Variants in CMTM8 observed in about 807,000 individuals in gnomAD.
The protein encoded by CMTM8 is CKLF-like MARVEL transmembrane domain-containing protein 8.
A neutral mutation model predicts 18.6 loss-of-function variants in CMTM8; 12 were observed. The ratio of observed to expected loss-of-function variants is 0.65; its 90% CI spans 0.41 to 1.05. CMTM8 has a LOEUF of 1.05. Ranked by LOEUF, CMTM8 falls within the 50% of genes least tolerant of loss-of-function variation. CMTM8 has a pLI of 0.00. For synonymous variants in CMTM8, 87 were observed against 90.6 expected, an observed-to-expected ratio of 0.96 and a Z score of 0.23; for missense variants, 217 against 227.2, an observed-to-expected ratio of 0.95 and a Z score of 0.29.
intron 1 of CMTM8, among the ~76,000 whole-genome samples, chr3:32,293,958 A>C (rs1177556138): frequency 6.6e-6 from 1 of 152,104 alleles, no homozygotes; most frequent in East Asian, 1.9e-4. Flanking sequence ...TGTAGGTTAG[A>C]TCCCAGAACT....
chr3:32,276,061 TC>T (rs1313864031), intron 1 of CMTM8, among the ~76,000 whole-genome samples: 5 of 152,312 alleles, frequency 3.3e-5, no homozygotes, highest in South Asian at 2.1e-4. Flanking sequence ...AGCTCACTGG[TC>T]CCAGTGGTGG....
intron 1 of CMTM8, among the ~76,000 whole-genome samples, chr3:32,313,152 G>A (rs957257865): frequency 6.6e-6 from 1 of 152,078 alleles, no homozygotes; most frequent in African/African-American, 2.4e-5. Context: ...GAGACAGGAG[G>A]CAGCCAACTC....
At chr3:32,366,795 C>A (rs955272755) in intron 2 of CMTM8, among the ~76,000 whole-genome samples, 1 of 152,304 alleles carries the variant, frequency 6.6e-6, no homozygotes, top group Non-Finnish European at 1.5e-5. Context: ...AACCGACATT[C>A]CTAATGAGTC....
At chr3:32,361,286 G>GTTTGTTTTTTTTTTTTTGT (rs140270969) in intron 2 of CMTM8, among the ~76,000 whole-genome samples, 33 of 87,266 alleles carry the variant, frequency 3.8e-4, no homozygotes, top group African/African-American at 1.2e-3. Flanking sequence ...CAGCCTAAGA[G>GTTTGTTTTTTTTTTTTTGT]TTTTTTTTTC....
intron 1 of CMTM8, among the ~76,000 whole-genome samples, chr3:32,244,487 AT>A (rs1701985399): frequency 1.3e-5 from 2 of 152,146 alleles, no homozygotes; most frequent in Non-Finnish European, 2.9e-5. Flanking sequence ...CGGCCAGAAG[AT>A]TTTTTGTTTA....
At chr3:32,264,749 G>A (rs1172837854) in intron 1 of CMTM8, among the ~76,000 whole-genome samples, 1 of 152,098 alleles carries the variant, frequency 6.6e-6, no homozygotes, top group Non-Finnish European at 1.5e-5. Context: ...ATAAAGGGGT[G>A]GAGGAAGATC....
intron 1 of CMTM8, among the ~76,000 whole-genome samples, chr3:32,313,978 A>G (rs11706660): frequency 0.066 from 10,008 of 152,134 alleles, 387 homozygotes; most frequent in African/African-American, 0.1. Flanking sequence ...TGGGTGACAG[A>G]GCGAGACCCT....
chr3:32,239,682 T>C (rs558221194), intron 1 of CMTM8, among the ~76,000 whole-genome samples: 9 of 152,276 alleles, frequency 5.9e-5, no homozygotes, highest in African/African-American at 2.2e-4. Flanking sequence ...GCTCAGAACA[T>C]TCCTGGGAAG....
intron 1 of CMTM8, among the ~76,000 whole-genome samples, chr3:32,313,563 C>T (rs1277210330): frequency 2.0e-5 from 3 of 152,130 alleles, no homozygotes; most frequent in Non-Finnish European, 4.4e-5. Context: ...CCTTGGCCTC[C>T]CAAAGTGCTG....
At chr3:32,351,572 A>G (rs1217082115) in intron 1 of CMTM8, among the ~76,000 whole-genome samples, 3 of 151,836 alleles carry the variant, frequency 2.0e-5, no homozygotes, top group Non-Finnish European at 1.5e-5. Flanking sequence ...AAAGTTAGCC[A>G]GATGTGGTGT....
At chr3:32,336,308 A>G (rs1183980069) in intron 1 of CMTM8, among the ~76,000 whole-genome samples, 2 of 152,204 alleles carry the variant, frequency 1.3e-5, no homozygotes, top group Non-Finnish European at 2.9e-5. Flanking sequence ...CAGTCCCTTC[A>G]GGGGACCTGT....
chr3:32,303,144 A>G (rs1158213926), intron 1 of CMTM8, among the ~76,000 whole-genome samples: 1 of 152,222 alleles, frequency 6.6e-6, no homozygotes, highest in African/African-American at 2.4e-5. Context: ...TAGGTTGCAA[A>G]TAAGTAAGGT....
At chr3:32,355,040 C>A (rs1483981207) in intron 1 of CMTM8, among the ~76,000 whole-genome samples, 1 of 152,186 alleles carries the variant, frequency 6.6e-6, no homozygotes, top group African/African-American at 2.4e-5. Context: ...TGATGCTCAA[C>A]TCTAAAGAGC....
intron 1 of CMTM8, among the ~76,000 whole-genome samples, chr3:32,306,961 C>CA (rs1695726938): frequency 6.6e-6 from 1 of 152,214 alleles, no homozygotes; most frequent in African/African-American, 2.4e-5. Flanking sequence ...GTAATCCCAA[C>CA]ACTTTGGGAG....
chr3:32,318,474 G>A lies in CMTM8; in HGVS notation c.148-38899G>A, dbSNP rs201265308. On this transcript the variant is annotated intron_variant, in intron 1 of 3. Transcript: ENST00000307526. ...CTTTCTGTGTTTAGGTCTCAGGAATGGCTGGTTTTATTTTTATCTTATTGT... is the reference window on the plus strand; with the variant it reads ...CTTTCTGTGTTTAGGTCTCAGGAATAGCTGGTTTTATTTTTATCTTATTGT... 3.2e-4 allele frequency among the ~76,000 whole-genome samples: 49 copies of A among 152,108 alleles called. 1 individual carries two copies. The East Asian group carries it at 8.3e-3, about 26-fold the overall frequency.
intron 1 of CMTM8, among the ~76,000 whole-genome samples, chr3:32,309,870 C>T (rs1295274743): frequency 6.6e-6 from 1 of 152,168 alleles, no homozygotes; most frequent in Non-Finnish European, 1.5e-5. Context: ...TCTCGTACTG[C>T]GGGCATCCTG....
At chr3:32,239,444 A>C (rs1033946532) in intron 1 of CMTM8, among the ~76,000 whole-genome samples, 1 of 151,750 alleles carries the variant, frequency 6.6e-6, no homozygotes, top group Non-Finnish European at 1.5e-5. Flanking sequence ...AGTGTCAGAG[A>C]CACCTGGTGC....
intron 1 of CMTM8, among the ~76,000 whole-genome samples, chr3:32,247,604 G>A (rs910185384): frequency 2.0e-5 from 3 of 152,116 alleles, no homozygotes; most frequent in Non-Finnish European, 4.4e-5. Flanking sequence ...GAGATTACAG[G>A]CGTGCACCAC....
chr3:32,369,843 G>T (rs1181705181), intron 3 of CMTM8, 41 bp from the exon 4 acceptor site: 1 of 1,313,130 alleles, frequency 7.6e-7, no homozygotes. Context: ...TAATTAGGAT[G>T]TGCCCTAAAC....
Sources: gnomAD v4.1 joint callset for allele counts (sites outside exome capture counted in the v4.1 genomes callset) on GRCh38, gnomAD v4.1.1 for gene constraint, MANE v1.5 for transcripts, NCBI Gene and HGNC (gene_info 2026-07-23, HGNC 2026-07-21) for gene names.